The following NTN1 variants were observed in gnomAD, a reference collection of about 807,000 sequenced individuals.
The protein encoded by NTN1 is netrin 1, also known as netrin-1.
A neutral mutation model predicts 54.2 loss-of-function variants in NTN1; 11 were observed. The ratio of observed to expected loss-of-function variants is 0.20; its 90% CI spans 0.13 to 0.34. The LOEUF is 0.34. NTN1 is among the 10% of genes least tolerant of loss of function. The pLI, the probability that NTN1 is intolerant of heterozygous loss-of-function variation, is 1.00. For missense variants in NTN1, 740 were observed against 893.1 expected, an observed-to-expected ratio of 0.83 and a Z score of 2.18; for synonymous variants, 371 against 382.0, an observed-to-expected ratio of 0.97 and a Z score of 0.33.
At chr17:9,230,403 G>A (rs1905765240) in intron 6 of NTN1, among the ~76,000 whole-genome samples, 1 of 151,996 alleles carries the variant, frequency 6.6e-6, no homozygotes, top group Non-Finnish European at 1.5e-5. Context: ...CTTCCCTGGG[G>A]TCACCGGCCC....
At chr17:9,005,265 T>C in the NTN1 span, among the ~76,000 whole-genome samples, 1 of 152,192 alleles carries the variant, frequency 6.6e-6, no homozygotes, top group Admixed American at 6.5e-5. Flanking sequence ...GGAAACATCC[T>C]TCCACAGATT....
intron 2 of NTN1, among the ~76,000 whole-genome samples, chr17:9,089,002 G>A (rs1379300101): frequency 6.6e-6 from 1 of 152,198 alleles, no homozygotes; most frequent in Non-Finnish European, 1.5e-5. Flanking sequence ...TCCGCCATCG[G>A]AGTGCTGGTG....
At chr17:9,071,673 C>G (rs746072712) in intron 2 of NTN1, among the ~76,000 whole-genome samples, 1 of 152,198 alleles carries the variant, frequency 6.6e-6, no homozygotes, top group South Asian at 2.1e-4. Flanking sequence ...AGACCCTGCC[C>G]GCATGCCCTT....
intron 3 of NTN1, chr17:9,178,843 TC>T (rs1252971769): frequency 1.3e-5 from 2 of 152,460 alleles, no homozygotes; most frequent in African/African-American, 4.8e-5. Context: ...AACGCTGGTG[TC>T]CTGTGCCTAC....
chr17:9,146,681 C>A (rs903221157), intron 2 of NTN1, among the ~76,000 whole-genome samples: 1 of 152,140 alleles, frequency 6.6e-6, no homozygotes, highest in Non-Finnish European at 1.5e-5. Context: ...TGAGGCGGGA[C>A]AATGTCTCTG....
intron 2 of NTN1, among the ~76,000 whole-genome samples, chr17:9,072,337 A>G (rs1399691578): frequency 1.3e-5 from 2 of 149,454 alleles, no homozygotes; most frequent in African/African-American, 5.0e-5. Context: ...CCCTGGCTCC[A>G]GCTAACCCTT....
chr17:9,012,727 G>A, the NTN1 span, among the ~76,000 whole-genome samples: 3 of 151,928 alleles, frequency 2.0e-5, no homozygotes, highest in Admixed American at 1.3e-4. Flanking sequence ...CTCCTGGCAC[G>A]TCCTGTTCCC....
At chr17:9,224,761 C>G (rs1039368200) in intron 6 of NTN1, among the ~76,000 whole-genome samples, 13 of 151,068 alleles carry the variant, frequency 8.6e-5, no homozygotes, top group Non-Finnish European at 1.8e-4. Context: ...GTCCACATTT[C>G]TGCTGCAAGA....
At chr17:9,164,732 G>A (rs183010353) in intron 3 of NTN1, among the ~76,000 whole-genome samples, 33 of 152,260 alleles carry the variant, frequency 2.2e-4, no homozygotes, top group Admixed American at 6.5e-4. Context: ...GCGGACTTAC[G>A]GCTGCCTCTG....
At chr17:9,236,407 CTGTT>C (rs1024824031) in intron 6 of NTN1, among the ~76,000 whole-genome samples, 2 of 152,204 alleles carry the variant, frequency 1.3e-5, no homozygotes, top group African/African-American at 4.8e-5. Flanking sequence ...CAGGGCAGGT[CTGTT>C]TGAGGTCACT....
intron 2 of NTN1, among the ~76,000 whole-genome samples, chr17:9,051,351 C>T (rs927875772): frequency 8.5e-5 from 13 of 152,158 alleles, no homozygotes; most frequent in East Asian, 1.9e-4. Flanking sequence ...GCTCCCCTCC[C>T]GGGATTGCTT....
At chr17:9,178,080 C>T (rs1205856292) in intron 3 of NTN1, among the ~76,000 whole-genome samples, 8 of 152,138 alleles carry the variant, frequency 5.3e-5, no homozygotes, top group African/African-American at 1.9e-4. Context: ...ACCTGTAATC[C>T]CAGCTACTCG....
intron 2 of NTN1, among the ~76,000 whole-genome samples, chr17:9,039,061 A>G (rs1351214603): frequency 1.3e-5 from 2 of 152,184 alleles, no homozygotes; most frequent in African/African-American, 4.8e-5. Flanking sequence ...ATGCTTAAGT[A>G]TTATATAAAC....
At chr17:9,180,667 G>T (rs540053640) in intron 4 of NTN1, among the ~76,000 whole-genome samples, 2 of 152,300 alleles carry the variant, frequency 1.3e-5, no homozygotes, top group African/African-American at 2.4e-5. Context: ...CAGAAAGGAC[G>T]GACAGCCCAG....
At chr17:9,200,514 T>C (rs1179424369) in intron 5 of NTN1, among the ~76,000 whole-genome samples, 4 of 152,206 alleles carry the variant, frequency 2.6e-5, no homozygotes, top group Non-Finnish European at 5.9e-5. Context: ...GTTTATGAAA[T>C]ACTGATCCTG....
intron 2 of NTN1, among the ~76,000 whole-genome samples, chr17:9,090,065 C>T (rs532131408): frequency 3.3e-5 from 5 of 152,104 alleles, no homozygotes; most frequent in South Asian, 2.1e-4. Context: ...GGCTGGAGGA[C>T]GGGCTGTGGG....
intron 2 of NTN1, among the ~76,000 whole-genome samples, chr17:9,123,587 C>T (rs2092237439): frequency 6.6e-6 from 1 of 152,182 alleles, no homozygotes; most frequent in Admixed American, 6.5e-5. Context: ...ACATTTTCTT[C>T]CAGTAATCTT....
Position 9,022,604 on chromosome 17 carries a change from C to T in NTN1, c.231C>T (p.Tyr77=), listed in dbSNP as rs774562522. The change falls in exon 2 of 7, where the codon TAC becomes TAT. Residue 77 remains tyrosine (Y), a synonymous_variant. Coordinates refer to ENST00000173229, the MANE Select transcript of NTN1 (RefSeq NM_004822.3). ...SSTCGRPPAR[Y]CVVSERGEER... ...CCTGCGGCCGGCCCCCGGCGCGCTACTGCGTGGTGAGCGAGCGCGGCGAGG... is the reference window on the plus strand; with the variant it reads ...CCTGCGGCCGGCCCCCGGCGCGCTATTGCGTGGTGAGCGAGCGCGGCGAGG... 4.5e-6 allele frequency: 7 copies of T among 1,550,314 alleles called. No homozygotes were observed. The highest frequency in any genetic ancestry group is 6.1e-6 in the Non-Finnish European group (7 of 1,148,278).
chr17:9,007,565 T>C, the NTN1 span, among the ~76,000 whole-genome samples: 1 of 150,572 alleles, frequency 6.6e-6, no homozygotes, highest in Non-Finnish European at 1.5e-5. Context: ...TTTTCTTTTA[T>C]TTCTTTTCTT....
Sources: gnomAD v4.1 joint callset for allele counts (sites outside exome capture counted in the v4.1 genomes callset) on GRCh38, gnomAD v4.1.1 for gene constraint, MANE v1.5 for transcripts, NCBI Gene and HGNC (gene_info 2026-07-23, HGNC 2026-07-21) for gene names.